UBE2O: variants seen among roughly 807,000 people sequenced by gnomAD.
UBE2O encodes ubiquitin conjugating enzyme E2 O.
Under a neutral mutation model 125.8 loss-of-function variants are expected in UBE2O, and 15 were observed. The observed-to-expected ratio is 0.12, with a 90% CI of 0.08 to 0.18. UBE2O has a LOEUF of 0.18. Among genes scored for constraint, UBE2O ranks in the 10% least tolerant of loss-of-function variants. The pLI is 1.00. For synonymous variants in UBE2O, 708 were observed against 703.2 expected (o/e 1.01, Z -0.11); for missense variants, 1,280 against 1,723.6 (o/e 0.74, Z 4.56).
chr17:76,408,086 C>T (rs2072454067), intron 1 of UBE2O, among the ~76,000 whole-genome samples: 1 of 152,214 alleles, frequency 6.6e-6, no homozygotes, highest in Non-Finnish European at 1.5e-5. Flanking sequence ...CCCACCCATA[C>T]TGGGCACTGG....
At chr17:76,416,135 GTA>G (rs1374642646) in intron 1 of UBE2O, among the ~76,000 whole-genome samples, 2 of 151,160 alleles carry the variant, frequency 1.3e-5, no homozygotes, top group Admixed American at 6.6e-5. Flanking sequence ...ATATGTGCGT[GTA>G]TAGATATATA....
Position 76,398,437 on chromosome 17 carries a change from G to T in UBE2O, c.1896+35C>A, listed in dbSNP as rs1249498898. The stretch of plus-strand genomic sequence containing the variant: ...TAGGGGTCCTACACCCAACCCCAGA[G>T]CCCACCTGAAGCAAGCAGTAGGGGC... On this transcript the variant is annotated intron_variant, in intron 11 of 17. Transcript: ENST00000319380. The surrounding 1 kb of genome is among the most constrained non-coding windows in gnomAD (Gnocchi z 5.4). 1 of 1,613,932 alleles carries T rather than the reference G, an allele frequency of 6.2e-7. No homozygotes were observed. Among genetic ancestry groups the T allele is most frequent in the Non-Finnish European group, 8.5e-7 (1 of 1,179,978 alleles).
intron 1 of UBE2O, among the ~76,000 whole-genome samples, chr17:76,432,273 T>C (rs1161309067): frequency 6.6e-6 from 1 of 152,166 alleles, no homozygotes; most frequent in African/African-American, 2.4e-5. Context: ...GACTCAGTTA[T>C]CAAAGTATGT....
Position 76,396,355 on chromosome 17 carries a change from T to C in UBE2O, c.2582A>G (p.Gln861Arg), listed in dbSNP as rs756958890. The part of the protein sequence containing the change: ...KKFLDDIKKL[Q>R]ENLKKTLDNV... ...GTCCAGGGTCTTCTTGAGGTTTTCC[T>C]GTAGCTTCTTGATGTCATCCAGAAA... The change falls in exon 14 of 18, where the codon CAG becomes CGG. Residue 861 changes from glutamine (Q) to arginine (R), a missense_variant. Transcript: ENST00000319380. This position sits in a 1 kb window ranked among gnomAD's most constrained non-coding sequence, Gnocchi z 6.7. 1.9e-6 allele frequency: 3 copies of C among 1,614,252 alleles called. No homozygotes were observed. Among genetic ancestry groups the C allele is most frequent in the Non-Finnish European group, 2.5e-6 (3 of 1,180,048 alleles).
At position 76,400,226 on chromosome 17, in the gene UBE2O, G is replaced by C; in HGVS notation, c.1076C>G (p.Ala359Gly). The part of the protein sequence containing the change: ...LGERCLYVFP[A>G]KVEPAKIAWE... Reference sequence around the variant, plus strand: ...GGCAATCTTGGCTGGCTCTACCTTGGCTGGGAAGACATACAGACAGCGCTC... The same window carrying C: ...GGCAATCTTGGCTGGCTCTACCTTGCCTGGGAAGACATACAGACAGCGCTC... The change falls in exon 8 of 18, where the codon GCC becomes GGC. Residue 359 changes from alanine to glycine, a missense_variant. Coordinates refer to ENST00000319380, the MANE Select transcript of UBE2O (RefSeq NM_022066.4). This position sits in a 1 kb window ranked among gnomAD's most constrained non-coding sequence, Gnocchi z 4.3. 1.9e-6 allele frequency: 3 copies of C among 1,614,034 alleles called. No individual in the cohort carries two copies. Among genetic ancestry groups the C allele is most frequent in the Non-Finnish European group, 2.5e-6 (3 of 1,180,016 alleles).
At chr17:76,421,765 G>A (rs1257030766) in intron 1 of UBE2O, among the ~76,000 whole-genome samples, 2 of 152,200 alleles carry the variant, frequency 1.3e-5, no homozygotes, top group South Asian at 4.1e-4. Flanking sequence ...GGCTGAGAAG[G>A]GCTTGTGGCC....
At position 76,452,931 on chromosome 17, in the gene UBE2O, G is replaced by T; in HGVS notation, c.211C>A (p.Arg71Ser). 6.7e-7 allele frequency: 1 copy of T among 1,499,548 alleles called. No individual in the cohort carries two copies. Among genetic ancestry groups the T allele is most frequent in the South Asian group, 1.3e-5 (1 of 79,138 alleles). The allele number at this position is 1,499,548 out of a possible 1,614,324, so 92.9% of individuals were successfully genotyped here. A position where few individuals can be genotyped will look rare whatever the true frequency, so the allele number is the denominator to read the frequency against. Residue 71 changes from arginine (R) to serine (S), a missense_variant, in exon 1 of 18, where the codon CGT becomes AGT. By Grantham distance (110) the Arg-to-Ser change is moderately radical. Around this residue, in one of 10 missense-constraint regions of UBE2O, gnomAD observed 188 missense variants for 192.5 expected, o/e 0.98. Coordinates refer to ENST00000319380, the MANE Select transcript of UBE2O (RefSeq NM_022066.4). The surrounding 1 kb of genome is among the most constrained non-coding windows in gnomAD (Gnocchi z 4.4). ...FSHDLVSGRY[R>S]GSVHFGLVRL... The stretch of plus-strand genomic sequence containing the variant: ...ACCAGCCCGAAGTGCACGGAGCCAC[G>T]GTAACGGCCCGACACCAGGTCGTGA...
At position 76,402,070 on chromosome 17, in the gene UBE2O, G is replaced by A. The variant is rs749767902; in HGVS notation, c.744C>T (p.Ser248=). Residue 248 remains serine (S), a synonymous_variant, in exon 5 of 18, where the codon AGC becomes AGT. Coordinates refer to ENST00000319380, the MANE Select transcript of UBE2O (RefSeq NM_022066.4). This position sits in a 1 kb window ranked among gnomAD's most constrained non-coding sequence, Gnocchi z 5.4. The stretch of plus-strand genomic sequence containing the variant: ...CCTGGATGGAGCACACTACCGAGTC[G>A]CTGACGTGCGGGCAGACGTCGTAGA... ...AKLYDVCPHV[S]DSGLFFDDSY... 10 of 1,613,462 alleles carry A rather than the reference G, an allele frequency of 6.2e-6. No individual in the cohort carries two copies. The African/African-American group carries it at 8.0e-5, about 13-fold the overall frequency.
rs1227002323 is a variant in UBE2O, at chr17:76,390,784, ACTT to A, written c.*156_*158del. On this transcript the variant is annotated 3_prime_UTR_variant, in exon 18 of 18. Coordinates refer to ENST00000319380, the MANE Select transcript of UBE2O (RefSeq NM_022066.4). ...AATAGAAACGGCAGCATCTCAACACACTTCTTGCACTTCAGCATCAAACTCACC... is the reference window on the plus strand; with the variant it reads ...AATAGAAACGGCAGCATCTCAACACACTTGCACTTCAGCATCAAACTCACC... The A allele has an allele frequency of 3.0e-6, 2 of 664,520 alleles. No homozygotes were observed. The highest frequency in any genetic ancestry group is 3.3e-5 in the Admixed American group (1 of 30,264). 41.2% of individuals were successfully genotyped at this position (664,520 alleles called of 1,614,324 possible). A position where few individuals can be genotyped will look rare whatever the true frequency, so the allele number is the denominator to read the frequency against.
At chr17:76,424,993 C>A (rs2072782508) in intron 1 of UBE2O, among the ~76,000 whole-genome samples, 1 of 151,364 alleles carries the variant, frequency 6.6e-6, no homozygotes, top group South Asian at 2.1e-4. Context: ...GCCTCAGCCT[C>A]CCGAGTAGCT....
At chr17:76,434,768 C>G (rs892040865) in intron 1 of UBE2O, among the ~76,000 whole-genome samples, 1 of 147,766 alleles carries the variant, frequency 6.8e-6, no homozygotes, top group Non-Finnish European at 1.5e-5. Flanking sequence ...TGCTTTTTCA[C>G]TTAAGCTTTT....
chr17:76,415,485 A>G (rs765388627), intron 1 of UBE2O, among the ~76,000 whole-genome samples: 6 of 152,044 alleles, frequency 3.9e-5, no homozygotes, highest in Non-Finnish European at 5.9e-5. Context: ...CTACACCTGG[A>G]CCAATTGGAA....
intron 1 of UBE2O, among the ~76,000 whole-genome samples, chr17:76,433,724 A>G (rs1273505963): frequency 6.6e-5 from 10 of 151,554 alleles, no homozygotes; most frequent in Non-Finnish European, 1.3e-4. Flanking sequence ...AAAAAAAAAA[A>G]AGAGAGAGAG....
In UBE2O at chr17:76,391,552, C is replaced by T; in HGVS notation, c.3270G>A (p.Leu1090=). Residue 1090 remains leucine, a synonymous_variant, in exon 18 of 18, where the codon CTG becomes CTA. Coordinates refer to ENST00000319380, the MANE Select transcript of UBE2O (RefSeq NM_022066.4). The surrounding 1 kb of genome is among the most constrained non-coding windows in gnomAD (Gnocchi z 8.4). ...NEAGFDSDRG[L]QEGYENSRCY... ...AGCGACTGTTTTCATAGCCTTCCTGCAGGCCTCGGTCACTGTCGAAGCCGG... is the reference window on the plus strand; with the variant it reads ...AGCGACTGTTTTCATAGCCTTCCTGTAGGCCTCGGTCACTGTCGAAGCCGG... 1 of 1,614,158 alleles carries T rather than the reference C, an allele frequency of 6.2e-7. No individual in the cohort carries two copies. Among genetic ancestry groups the T allele is most frequent in the Non-Finnish European group, 8.5e-7 (1 of 1,180,034 alleles).
rs552502199 is a variant in UBE2O at position 76,453,048 on chromosome 17, G to A, written c.94C>T (p.Pro32Ser). Residue 32 changes from proline (P) to serine (S), a missense_variant, in exon 1 of 18, where the codon CCC (proline) becomes TCC (serine). Coordinates refer to ENST00000319380, the MANE Select transcript of UBE2O (RefSeq NM_022066.4). The stretch of plus-strand genomic sequence containing the variant: ...GAGGCGGGCGCCGGCGCCGGGACGG[G>A]GGCTGCGGCTGGGGCCGGGACTGCC... ...PEAVPAPAAA[P>S]VPAPAPASDS... 1.7e-4 allele frequency: 232 copies of A among 1,401,762 alleles called. 1 individual carries two copies. The South Asian group carries it at 3.3e-3, about 20-fold the overall frequency. The allele number at this position is 1,401,762 out of a possible 1,614,324, so 86.8% of individuals were successfully genotyped here.
intron 1 of UBE2O, among the ~76,000 whole-genome samples, chr17:76,447,338 C>T (rs1012084598): frequency 5.3e-5 from 8 of 152,196 alleles, no homozygotes; most frequent in Non-Finnish European, 1.0e-4. Flanking sequence ...CCTCAGCTTC[C>T]TTCTCTGGAA....
At chr17:76,423,556 G>A (rs989092461) in intron 1 of UBE2O, among the ~76,000 whole-genome samples, 15 of 151,864 alleles carry the variant, frequency 9.9e-5, no homozygotes, top group African/African-American at 3.6e-4. Context: ...AGCCAGGCAT[G>A]GTGGCACGTA....
intron 1 of UBE2O, among the ~76,000 whole-genome samples, chr17:76,434,774 C>CA (rs1024634719): frequency 1.4e-5 from 2 of 139,158 alleles, no homozygotes; most frequent in African/African-American, 5.5e-5. Context: ...TTCACTTAAG[C>CA]TTTTTTTTTT....
At chr17:76,417,406 A>G (rs868192163) in intron 1 of UBE2O, among the ~76,000 whole-genome samples, 1 of 152,264 alleles carries the variant, frequency 6.6e-6, no homozygotes, top group Non-Finnish European at 1.5e-5. Flanking sequence ...GCAAAATTTC[A>G]TGTATGGGCA....
Sources: gnomAD v4.1 joint callset for allele counts (sites outside exome capture counted in the v4.1 genomes callset) on GRCh38, gnomAD v4.1.1 for gene constraint, gnomAD v4.1.1 regional missense constraint, Gnocchi (gnomAD v3.1) non-coding constraint, MANE v1.5 for transcripts, NCBI Gene and HGNC (gene_info 2026-07-23, HGNC 2026-07-21) for gene names.